Variants in TMEM117 observed in about 807,000 individuals in gnomAD.
The protein encoded by TMEM117 is transmembrane protein 117.
Under a neutral mutation model 52.4 loss-of-function variants are expected in TMEM117, and 27 were observed. The ratio of observed to expected loss-of-function variants is 0.51; its 90% CI spans 0.38 to 0.71. The LOEUF (loss-of-function observed/expected upper bound fraction) is 0.71, where lower values mean the gene tolerates loss of function less well. TMEM117 is among the 30% of genes least tolerant of loss of function. The probability of loss-of-function intolerance (pLI) is 0.00; values close to 1 mark genes in which losing one functional copy is unlikely to be tolerated. For synonymous variants in TMEM117, 215 were observed against 206.3 expected, an observed-to-expected ratio of 1.04 and a Z score of -0.36; for missense variants, 556 against 630.5, an observed-to-expected ratio of 0.88 and a Z score of 1.26.
intron 5 of TMEM117, among the ~76,000 whole-genome samples, chr12:44,283,677 T>C (rs1016128255): frequency 6.6e-6 from 1 of 152,280 alleles, no homozygotes; most frequent in South Asian, 2.1e-4. Flanking sequence ...CAGATGAGAC[T>C]TTAGACTGTG....
intron 5 of TMEM117, among the ~76,000 whole-genome samples, chr12:44,264,481 A>T (rs562265363): frequency 1.3e-5 from 2 of 152,288 alleles, no homozygotes; most frequent in African/African-American, 2.4e-5. Context: ...GTGAAGGAAT[A>T]TGTAGACTGG....
intron 5 of TMEM117, among the ~76,000 whole-genome samples, chr12:44,220,895 A>T (rs998934339): frequency 6.6e-6 from 1 of 152,214 alleles, no homozygotes; most frequent in African/African-American, 2.4e-5. Flanking sequence ...ATACTTAGAT[A>T]AAAATGATTA....
intron 5 of TMEM117, among the ~76,000 whole-genome samples, chr12:44,283,797 G>T (rs543041878): frequency 6.6e-6 from 1 of 152,260 alleles, no homozygotes; most frequent in African/African-American, 2.4e-5. Context: ...CGGGCGGAAT[G>T]ATATGGTTTG....
At chr12:44,327,830 C>T (rs759622589) in intron 6 of TMEM117, among the ~76,000 whole-genome samples, 3 of 152,068 alleles carry the variant, frequency 2.0e-5, no homozygotes, top group Non-Finnish European at 4.4e-5. Flanking sequence ...GTAAGAACTC[C>T]ACAGTTGCCA....
intron 5 of TMEM117, 84 bp downstream of exon 5, chr12:44,211,471 T>C (rs568961003): frequency 2.1e-6 from 2 of 930,366 alleles, no homozygotes; most frequent in African/African-American, 1.7e-5. Context: ...CTTACAATTA[T>C]AGAATTCTAT....
At chr12:43,832,464 T>G (rs2137328099), upstream of TMEM117, among the ~76,000 whole-genome samples, 2 of 152,314 alleles carry the variant, frequency 1.3e-5, no homozygotes, top group South Asian at 4.1e-4. Flanking sequence ...TGAACAGATT[T>G]CAGTGACCTA....
At chr12:43,948,557 A>T (rs1055185928) in intron 3 of TMEM117, among the ~76,000 whole-genome samples, 3 of 152,156 alleles carry the variant, frequency 2.0e-5, no homozygotes, top group African/African-American at 7.2e-5. Context: ...CGCCTGCCTC[A>T]GCCTTCCAAA....
intron 1 of TMEM117, among the ~76,000 whole-genome samples, chr12:43,843,211 T>C (rs963440168): frequency 6.6e-6 from 1 of 152,180 alleles, no homozygotes; most frequent in African/African-American, 2.4e-5. Flanking sequence ...CTAACTAAAC[T>C]GGGAGAGAAG....
intron 6 of TMEM117, among the ~76,000 whole-genome samples, chr12:44,304,437 G>A (rs959467852): frequency 6.6e-6 from 1 of 152,186 alleles, no homozygotes; most frequent in African/African-American, 2.4e-5. Flanking sequence ...GTGCTGTGCT[G>A]AGCTTGGAGG....
chr12:44,149,542 T>C (rs1009758166), intron 4 of TMEM117, among the ~76,000 whole-genome samples: 3 of 152,242 alleles, frequency 2.0e-5, no homozygotes, highest in Non-Finnish European at 2.9e-5. Context: ...TGTCATTTTA[T>C]GCTTATTGCA....
intron 2 of TMEM117, among the ~76,000 whole-genome samples, chr12:43,896,467 G>A (rs944733975): frequency 6.6e-6 from 1 of 152,100 alleles, no homozygotes; most frequent in African/African-American, 2.4e-5. Context: ...TTGTTATGTG[G>A]TTGTCCTCAA....
chr12:44,262,530 AAGAT>A (rs910817615), intron 5 of TMEM117, among the ~76,000 whole-genome samples: 1 of 152,246 alleles, frequency 6.6e-6, no homozygotes, highest in African/African-American at 2.4e-5. Flanking sequence ...CCTTCATACT[AAGAT>A]AGCCACCAGA....
At chr12:43,928,028 A>G (rs1435356913) in intron 2 of TMEM117, among the ~76,000 whole-genome samples, 3 of 147,888 alleles carry the variant, frequency 2.0e-5, no homozygotes, top group African/African-American at 7.5e-5. Flanking sequence ...TTCTCTTTCT[A>G]TCCCTCCTTC....
At chr12:44,351,911 T>G (rs944195702) in intron 6 of TMEM117, among the ~76,000 whole-genome samples, 8 of 151,930 alleles carry the variant, frequency 5.3e-5, no homozygotes, top group African/African-American at 9.7e-5. Flanking sequence ...TACACAGCAT[T>G]GGCATTAGTA....
At chr12:43,937,797 A>G (rs1944977358) in intron 2 of TMEM117, among the ~76,000 whole-genome samples, 1 of 152,148 alleles carries the variant, frequency 6.6e-6, no homozygotes, top group Non-Finnish European at 1.5e-5. Context: ...GTACTATGCC[A>G]TGAGGACATA....
intron 2 of TMEM117, among the ~76,000 whole-genome samples, chr12:43,924,694 C>T (rs958510428): frequency 5.9e-5 from 9 of 152,248 alleles, no homozygotes; most frequent in Middle Eastern, 3.4e-3. Context: ...ACATTTTTAG[C>T]ATGTTATTTC....
At chr12:44,062,711 G>A (rs1199216333) in intron 3 of TMEM117, among the ~76,000 whole-genome samples, 1 of 152,176 alleles carries the variant, frequency 6.6e-6, no homozygotes, top group African/African-American at 2.4e-5. Context: ...GAATACGGGA[G>A]TCTCCTGACA....
chr12:43,861,568 T>A (rs1375956728), intron 2 of TMEM117, among the ~76,000 whole-genome samples: 5 of 152,188 alleles, frequency 3.3e-5, no homozygotes, highest in African/African-American at 1.2e-4. Context: ...AGATGACAGA[T>A]CAAATTGAAT....
chr12:43,960,697 A>G (rs1027786276), intron 3 of TMEM117, among the ~76,000 whole-genome samples: 3 of 152,104 alleles, frequency 2.0e-5, no homozygotes, highest in Non-Finnish European at 4.4e-5. Context: ...AGCTTGTTAG[A>G]GGGGGAAAAT....
Sources: allele counts gnomAD v4.1 joint callset (sites outside exome capture counted in the v4.1 genomes callset), GRCh38; gene constraint gnomAD v4.1.1; transcripts MANE v1.5; gene names NCBI Gene and HGNC (gene_info 2026-07-23, HGNC 2026-07-21).